ZNF92: variants seen among roughly 807,000 people sequenced by gnomAD.
ZNF92 encodes zinc finger protein 92, also known as epididymis luminal protein 203.
A neutral mutation model predicts 12.4 loss-of-function variants in ZNF92; 11 were observed. The ratio of observed to expected loss-of-function variants is 0.89; its 90% CI spans 0.56 to 1.47. The LOEUF (loss-of-function observed/expected upper bound fraction) is 1.47, where lower values mean the gene tolerates loss of function less well. Ranked by LOEUF, ZNF92 falls within the 40% of genes most tolerant of loss-of-function variation. The probability of loss-of-function intolerance (pLI) is 0.00; values close to 1 mark genes in which losing one functional copy is unlikely to be tolerated. For synonymous variants in ZNF92, 206 were observed against 228.6 expected (o/e 0.90, Z 0.89); for missense variants, 622 against 681.0 (o/e 0.91, Z 0.96).
At chr7:65,376,336 A>G (rs1003908045) in intron 1 of ZNF92, among the ~76,000 whole-genome samples, 4 of 152,174 alleles carry the variant, frequency 2.6e-5, no homozygotes, top group African/African-American at 9.7e-5. Context: ...TACAAAGGGC[A>G]TAAAAGAGGT....
intron 1 of ZNF92, among the ~76,000 whole-genome samples, chr7:65,382,426 C>G (rs1380803851): frequency 1.3e-5 from 2 of 151,948 alleles, no homozygotes; most frequent in Admixed American, 6.6e-5. Context: ...CTAGATGGGC[C>G]TTTTTGTCTC....
intron 1 of ZNF92, among the ~76,000 whole-genome samples, chr7:65,375,445 T>C (rs1277972652): frequency 6.6e-6 from 1 of 152,090 alleles, no homozygotes; most frequent in Non-Finnish European, 1.5e-5. Flanking sequence ...ACTCTTCCTT[T>C]GAAAAGCTTA....
rs751084318 is a variant in ZNF92, at chr7:65,398,618, T to C, written c.504T>C (p.Thr168=). 20 of 1,611,716 alleles carry C rather than the reference T, an allele frequency of 1.2e-5. 1 individual carries two copies. The South Asian group carries it at 2.2e-4, about 18-fold the overall frequency. The part of the protein sequence containing the change: ...PNVNRNKIRH[T]GKKPFKCKNR... Reference sequence around the variant, plus strand: ...TAAATAGAAATAAGATAAGACATACTGGAAAGAAACCTTTCAAATGTAAAA... The same window carrying C: ...TAAATAGAAATAAGATAAGACATACCGGAAAGAAACCTTTCAAATGTAAAA... The change falls in exon 4 of 4, where the codon ACT becomes ACC. Residue 168 remains threonine (T), a synonymous_variant. Coordinates refer to ENST00000328747, the MANE Select transcript of ZNF92 (RefSeq NM_152626.4).
chr7:65,386,444 G>A (rs1793566579), intron 1 of ZNF92, among the ~76,000 whole-genome samples: 1 of 152,092 alleles, frequency 6.6e-6, no homozygotes, highest in African/African-American at 2.4e-5. Flanking sequence ...ATGGGAGGAT[G>A]AATATACTCA....
chr7:65,396,271 C>G (rs557941505), intron 3 of ZNF92, among the ~76,000 whole-genome samples: 3 of 151,970 alleles, frequency 2.0e-5, no homozygotes, highest in African/African-American at 7.2e-5. Flanking sequence ...GTTATTGTTT[C>G]TTGTGTTTTT....
rs543910394 is a variant in ZNF92, at chr7:65,379,351, G to A, written c.3+5351G>A. On this transcript the variant is annotated intron_variant, in intron 1 of 3. Transcript: ENST00000328747. ...TCTGGGGACAGAAGAAAGATATCAC[G>A]GAGGCCTGGCCTGGAATGGAACTCT... is the stretch of plus-strand genomic sequence containing the variant. Among the ~76,000 whole-genome samples the A allele has an allele frequency of 1.1e-3, 173 of 152,180 alleles. 1 individual carries two copies. The highest frequency in any genetic ancestry group is 1.9e-3 in the Non-Finnish European group (129 of 68,004).
chr7:65,384,975 C>T (rs1238891279), intron 1 of ZNF92, among the ~76,000 whole-genome samples: 1 of 151,520 alleles, frequency 6.6e-6, no homozygotes, highest in African/African-American at 2.4e-5. Flanking sequence ...GCCTCTGTTT[C>T]CTCTGTAAAC....
chr7:65,400,073 G>A lies in ZNF92; in HGVS notation c.*198G>A. The stretch of plus-strand genomic sequence containing the variant: ...TTTTAACCAATCCTCACACCTTATT[G>A]CACAGGAAAGCATTTATACTTGAGA... On this transcript the variant is annotated 3_prime_UTR_variant, in exon 4 of 4. Coordinates refer to ENST00000328747, the MANE Select transcript of ZNF92 (RefSeq NM_152626.4). 6.2e-6 allele frequency: 3 copies of A among 485,492 alleles called. No homozygotes were observed. Among genetic ancestry groups the A allele is most frequent in the Non-Finnish European group, 1.1e-5 (3 of 281,988 alleles). The allele number at this position is 485,492 out of a possible 1,614,324, so 30.1% of individuals were successfully genotyped here. A position where few individuals can be genotyped will look rare whatever the true frequency, so the allele number is the denominator to read the frequency against.
intron 3 of ZNF92, among the ~76,000 whole-genome samples, 196 bp downstream of exon 3, chr7:65,389,097 T>C (rs1299503610): frequency 2.6e-5 from 4 of 151,334 alleles, no homozygotes; most frequent in Non-Finnish European, 5.9e-5. Flanking sequence ...GTAGCTGGGA[T>C]TACAGGCACC....
chr7:65,396,708 T>A (rs1793855679), intron 3 of ZNF92, among the ~76,000 whole-genome samples: 1 of 152,096 alleles, frequency 6.6e-6, no homozygotes, highest in Admixed American at 6.6e-5. Flanking sequence ...ATATGCAATG[T>A]CTCACTATGT....
rs775818753 is a variant in ZNF92 at position 65,401,117 on chromosome 7, CA to C, written c.*1243del. On this transcript the variant is annotated 3_prime_UTR_variant, in exon 4 of 4. Coordinates refer to ENST00000328747, the MANE Select transcript of ZNF92 (RefSeq NM_152626.4). The stretch of plus-strand genomic sequence containing the variant: ...GTGTGAACTTAATTTTGTAATTAAA[CA>C]TTTTTTTTAGCATGCTAAGACTAGT... The C allele has an allele frequency of 5.3e-5, 8 of 152,068 alleles. No homozygotes were observed. Among genetic ancestry groups the C allele is most frequent in the Admixed American group, 2.6e-4 (4 of 15,266 alleles). The allele number at this position is 152,068 out of a possible 1,614,324, so 9.4% of individuals were successfully genotyped here.
At chr7:65,386,296 G>A (rs1793562380) in intron 1 of ZNF92, among the ~76,000 whole-genome samples, 1 of 152,076 alleles carries the variant, frequency 6.6e-6, no homozygotes, top group Non-Finnish European at 1.5e-5. Flanking sequence ...TGGGATTACA[G>A]GCATGAGCCA....
chr7:65,374,101 C>T (rs1376178150), intron 1 of ZNF92, 101 bp downstream of exon 1: 5 of 1,516,028 alleles, frequency 3.3e-6, no homozygotes, highest in Admixed American at 1.7e-5. Context: ...CAGTCGGCTC[C>T]GAGATCCGCG....
At chr7:65,384,733 C>A (rs1239175006) in intron 1 of ZNF92, among the ~76,000 whole-genome samples, 1 of 151,838 alleles carries the variant, frequency 6.6e-6, no homozygotes, top group Non-Finnish European at 1.5e-5. Flanking sequence ...TTATTCTGTA[C>A]ATTTTTCACA....
intron 3 of ZNF92, among the ~76,000 whole-genome samples, chr7:65,393,597 T>A (rs1186469122): frequency 6.6e-6 from 1 of 152,136 alleles, no homozygotes; most frequent in African/African-American, 2.4e-5. Context: ...AAATAATGGC[T>A]ACATCCTTGT....
intron 1 of ZNF92, among the ~76,000 whole-genome samples, chr7:65,383,864 A>G (rs1793491559): frequency 6.6e-6 from 1 of 151,990 alleles, no homozygotes; most frequent in African/African-American, 2.4e-5. Context: ...ATCACTGAGA[A>G]CCCTCTCACA....
chr7:65,389,910 C>T lies in ZNF92; in HGVS notation c.226+1009C>T, dbSNP rs551391230. Among the ~76,000 whole-genome samples the T allele has an allele frequency of 2.4e-4, 36 of 152,070 alleles. 1 individual carries two copies. The highest frequency in any genetic ancestry group is 8.4e-4 in the African/African-American group (35 of 41,478). ...TCAGTGGTGCAATCTCGGCTCACTG[C>T]AAGCTCCGCCTCCCGAGTTCACACC... On this transcript the variant is annotated intron_variant, in intron 3 of 3. Transcript: ENST00000328747.
rs748265653 is a variant in ZNF92, at chr7:65,399,553, C to A, written c.1439C>A (p.Pro480His). 17 of 1,613,614 alleles carry A rather than the reference C, an allele frequency of 1.1e-5. 1 individual carries two copies. In the South Asian group the frequency reaches 1.9e-4, roughly 18 times the overall value. Residue 480 changes from proline (P) to histidine (H), a missense_variant, in exon 4 of 4, where the codon CCC becomes CAC. Transcript: ENST00000328747. ...AAAATAATTCATACTAGAGAAAAACCCTACAAATGTGAAGAATGTGGCAAA... is the reference window on the plus strand; with the variant it reads ...AAAATAATTCATACTAGAGAAAAACACTACAAATGTGAAGAATGTGGCAAA... Reference protein sequence around the residue: ...KHKIIHTREKPYKCEECGKAF... With the variant: ...KHKIIHTREKHYKCEECGKAF...
rs764163753 is a variant in ZNF92 at position 65,387,965 on chromosome 7, A to G, written c.67A>G (p.Thr23Ala). The change falls in exon 2 of 4, where the codon ACT becomes GCT. Residue 23 changes from threonine (T) to alanine (A), a missense_variant. Physicochemically the swap from Thr to Ala is moderately conservative, Grantham distance 58. Transcript: ENST00000328747. Reference sequence around the variant, plus strand: ...TCTAGAGGAATGGCAATGCCTGGACACTGCGCAGCGGAATTTATATAGAGA... The same window carrying G: ...TCTAGAGGAATGGCAATGCCTGGACGCTGCGCAGCGGAATTTATATAGAGA... ...FSLEEWQCLD[T>A]AQRNLYRDVM... 14 of 1,607,610 alleles carry G rather than the reference A, an allele frequency of 8.7e-6. No homozygotes were observed. The East Asian group carries it at 2.2e-4, about 26-fold the overall frequency.
Sources: allele counts gnomAD v4.1 joint callset (sites outside exome capture counted in the v4.1 genomes callset), GRCh38; gene constraint gnomAD v4.1.1; transcripts MANE v1.5; gene names NCBI Gene and HGNC (gene_info 2026-07-23, HGNC 2026-07-21).